CYB5B: variants seen among roughly 807,000 people sequenced by gnomAD.
The protein encoded by CYB5B is cytochrome b5 type B, also known as cytochrome b5 type B (outer mitochondrial membrane).
Under a neutral mutation model 21.3 loss-of-function variants are expected in CYB5B, and 14 were observed. The observed-to-expected ratio is 0.66, with a 90% confidence interval of 0.43 to 1.03. The LOEUF (loss-of-function observed/expected upper bound fraction) is 1.03, where lower values mean the gene tolerates loss of function less well. Ranked by LOEUF, CYB5B falls within the 50% of genes least tolerant of loss-of-function variation. The pLI is 0.00. For synonymous variants in CYB5B, 69 were observed against 68.4 expected (o/e 1.01, Z -0.04); for missense variants, 166 against 185.1 (o/e 0.90, Z 0.60).
chr16:69,460,194 A>AT (rs1034023518), intron 4 of CYB5B, among the ~76,000 whole-genome samples: 4 of 151,956 alleles, frequency 2.6e-5, no homozygotes, highest in Non-Finnish European at 5.9e-5. Context: ...AGATCGCTCC[A>AT]TTGCACTCCA....
chr16:69,458,168 G>T (rs528321643), intron 3 of CYB5B, among the ~76,000 whole-genome samples: 12 of 152,170 alleles, frequency 7.9e-5, no homozygotes, highest in African/African-American at 2.9e-4. Context: ...ATACCATACA[G>T]TTTACCTATT....
rs1447121407 is a variant in CYB5B at position 69,466,254 on chromosome 16, G to C, written c.*3734G>C. ...TAGAACTACACACAATAAAGACACT[G>C]TTTTCCTTTTCTTGCCCCGACTACA... On this transcript the variant is annotated 3_prime_UTR_variant, in exon 5 of 5. Coordinates refer to ENST00000307892, the MANE Select transcript of CYB5B (RefSeq NM_030579.3). 1 of 152,462 alleles carries C rather than the reference G, an allele frequency of 6.6e-6. No homozygotes were observed. Among genetic ancestry groups the C allele is most frequent in the Non-Finnish European group, 1.5e-5 (1 of 68,018 alleles). The allele number at this position is 152,462 out of a possible 1,614,324, so 9.4% of individuals were successfully genotyped here.
chr16:69,440,459 A>G (rs1437675761), intron 1 of CYB5B, among the ~76,000 whole-genome samples: 2 of 152,194 alleles, frequency 1.3e-5, no homozygotes, highest in African/African-American at 4.8e-5. Context: ...CCTCATCCCC[A>G]GAGGTACCCA....
chr16:69,458,944 A>G (rs2015006488), intron 3 of CYB5B, 149 bp from the exon 4 acceptor site: 2 of 636,988 alleles, frequency 3.1e-6, no homozygotes, highest in Admixed American at 3.5e-5. Context: ...CATTGCTTAT[A>G]TATTTGTAAA....
At chr16:69,462,178 C>T (rs2015041176) in intron 4 of CYB5B, among the ~76,000 whole-genome samples, 1 of 152,178 alleles carries the variant, frequency 6.6e-6, no homozygotes. Flanking sequence ...TGTAGAAACA[C>T]ATATAGAGGC....
intron 3 of CYB5B, among the ~76,000 whole-genome samples, chr16:69,451,942 CAAAAAAAA>C (rs1214465929): frequency 3.1e-5 from 2 of 64,704 alleles, no homozygotes; most frequent in African/African-American, 1.2e-4. Context: ...GACGCCGTCT[CAAAAAAAA>C]AAAAAAAAAA....
At chr16:69,435,995 G>A (rs2014756488) in intron 1 of CYB5B, among the ~76,000 whole-genome samples, 1 of 152,212 alleles carries the variant, frequency 6.6e-6, no homozygotes. Context: ...CAAGTGGTTA[G>A]TTCTAGGGAA....
chr16:69,455,877 A>AC (rs2014979763), intron 3 of CYB5B, among the ~76,000 whole-genome samples: 1 of 152,016 alleles, frequency 6.6e-6, no homozygotes, highest in African/African-American at 2.4e-5. Context: ...TCTTCTCTCT[A>AC]CCCTTTAGAA....
chr16:69,432,434 T>C (rs900285279), intron 1 of CYB5B, among the ~76,000 whole-genome samples: 1 of 152,228 alleles, frequency 6.6e-6, no homozygotes, highest in African/African-American at 2.4e-5. Flanking sequence ...CTAACGTAAA[T>C]GTTCTGAACA....
intron 3 of CYB5B, among the ~76,000 whole-genome samples, chr16:69,453,624 C>G (rs2014956499): frequency 1.3e-5 from 2 of 152,280 alleles, no homozygotes; most frequent in South Asian, 2.1e-4. Context: ...GTGGCGCGAT[C>G]TCGGCTCTGC....
chr16:69,457,429 C>G (rs1377924981), intron 3 of CYB5B, among the ~76,000 whole-genome samples: 1 of 151,980 alleles, frequency 6.6e-6, no homozygotes, highest in Non-Finnish European at 1.5e-5. Flanking sequence ...CATTTTTTGT[C>G]TATAAATCAT....
At position 69,463,601 on chromosome 16, in the gene CYB5B, G is replaced by C. The variant is rs1469424320; in HGVS notation, c.*1081G>C. 6.6e-6 allele frequency: 1 copy of C among 152,030 alleles called. No individual in the cohort carries two copies. Among genetic ancestry groups the C allele is most frequent in the Non-Finnish European group, 1.5e-5 (1 of 67,990 alleles). 9.4% of individuals were successfully genotyped at this position (152,030 alleles called of 1,614,324 possible). A position where few individuals can be genotyped will look rare whatever the true frequency, so the allele number is the denominator to read the frequency against. On this transcript the variant is annotated 3_prime_UTR_variant, in exon 5 of 5. Coordinates refer to ENST00000307892, the MANE Select transcript of CYB5B (RefSeq NM_030579.3). ...TTTGTTTGTTGATTAGCAAATTTTT[G>C]ATTCTCCATTTTCCAAAAGTAAGAG... is the stretch of plus-strand genomic sequence containing the variant.
intron 1 of CYB5B, among the ~76,000 whole-genome samples, chr16:69,430,234 T>C (rs1197223378): frequency 2.0e-5 from 3 of 152,172 alleles, no homozygotes; most frequent in Non-Finnish European, 4.4e-5. Context: ...TTTCTTTTTT[T>C]TGGAGACAGT....
intron 3 of CYB5B, among the ~76,000 whole-genome samples, chr16:69,452,883 C>T (rs918150865): frequency 7.9e-5 from 12 of 151,660 alleles, no homozygotes; most frequent in Non-Finnish European, 1.5e-4. Flanking sequence ...CCTGTCGTCG[C>T]AGCTACTCGG....
chr16:69,430,173 C>G (rs1351574221), intron 1 of CYB5B, among the ~76,000 whole-genome samples: 7 of 152,000 alleles, frequency 4.6e-5, no homozygotes, highest in Non-Finnish European at 1.0e-4. Flanking sequence ...TCTCTCTTAT[C>G]AAGGGTAAAA....
chr16:69,428,581 A>G (rs1382173754), intron 1 of CYB5B, among the ~76,000 whole-genome samples: 1 of 152,142 alleles, frequency 6.6e-6, no homozygotes, highest in African/African-American at 2.4e-5. Flanking sequence ...ACTTGAACCC[A>G]GAAGTTGGAG....
chr16:69,448,953 T>TCC (rs2014905004), intron 3 of CYB5B: 3 of 152,310 alleles, frequency 2.0e-5, no homozygotes, highest in Admixed American at 6.5e-5. Context: ...TGAATAGGTT[T>TCC]GACACAGCAA....
intron 1 of CYB5B, among the ~76,000 whole-genome samples, chr16:69,425,408 A>G (rs932618186): frequency 6.6e-6 from 1 of 151,342 alleles, no homozygotes; most frequent in African/African-American, 2.4e-5. Flanking sequence ...CTCATAAATC[A>G]ACCCTTTTTT....
At chr16:69,448,289 T>G in intron 3 of CYB5B, 145 bp downstream of exon 3, 1 of 857,208 alleles carries the variant, frequency 1.2e-6, no homozygotes. Context: ...GAATTTGGAC[T>G]CAGTATCATC....
Sources: allele counts gnomAD v4.1 joint callset (sites outside exome capture counted in the v4.1 genomes callset), GRCh38; gene constraint gnomAD v4.1.1; transcripts MANE v1.5; gene names NCBI Gene and HGNC (gene_info 2026-07-23, HGNC 2026-07-21).